The following LRRC28 variants were observed in gnomAD, a reference collection of about 807,000 sequenced individuals.
LRRC28 encodes leucine rich repeat containing 28, also known as leucine-rich repeat-containing protein 28.
In LRRC28, 39 loss-of-function variants were observed where a neutral mutation model predicts 45.7. That is an observed-to-expected ratio of 0.85 (90% CI 0.66 to 1.12). The LOEUF (loss-of-function observed/expected upper bound fraction) is 1.12. Ranked by LOEUF, LRRC28 falls within the 50% of genes most tolerant of loss-of-function variation. The pLI, the probability that LRRC28 is intolerant of heterozygous loss-of-function variation, is 0.00. For missense variants in LRRC28, 435 were observed against 438.5 expected, an observed-to-expected ratio of 0.99 and a Z score of 0.07; for synonymous variants, 206 against 178.8, an observed-to-expected ratio of 1.15 and a Z score of -1.22.
At chr15:99,253,524 A>G (rs2080927560) in intron 1 of LRRC28, among the ~76,000 whole-genome samples, 1 of 152,216 alleles carries the variant, frequency 6.6e-6, no homozygotes, top group East Asian at 1.9e-4. Context: ...AGCTTTGAGG[A>G]TTGGAAAAGC....
intron 6 of LRRC28, chr15:99,338,619 A>G (rs1956405292): frequency 6.6e-6 from 1 of 152,220 alleles, no homozygotes; most frequent in South Asian, 2.1e-4. Flanking sequence ...GGAGGTGGGA[A>G]TCTTACTTTG....
intron 6 of LRRC28, among the ~76,000 whole-genome samples, chr15:99,349,990 G>T (rs933879262): frequency 5.9e-5 from 9 of 151,480 alleles, no homozygotes; most frequent in Non-Finnish European, 2.9e-5. Flanking sequence ...CAAAAAATTA[G>T]CCGGGCGCGG....
intron 6 of LRRC28, among the ~76,000 whole-genome samples, chr15:99,351,751 A>C (rs1290154861): frequency 1.3e-5 from 2 of 152,232 alleles, no homozygotes; most frequent in Non-Finnish European, 2.9e-5. Flanking sequence ...CACTTGTTAA[A>C]GCATAGTAAG....
chr15:99,351,774 T>G (rs1042506029), intron 6 of LRRC28, among the ~76,000 whole-genome samples: 1 of 152,200 alleles, frequency 6.6e-6, no homozygotes, highest in African/African-American at 2.4e-5. Flanking sequence ...AGACTTTATT[T>G]GAGACCATCA....
chr15:99,278,176 T>C (rs1410182125), intron 3 of LRRC28, among the ~76,000 whole-genome samples: 5 of 152,232 alleles, frequency 3.3e-5, no homozygotes, highest in Non-Finnish European at 7.3e-5. Flanking sequence ...TTTAGTCTTA[T>C]TGCATTGGCT....
At chr15:99,353,013 G>C (rs962098172) in intron 7 of LRRC28, among the ~76,000 whole-genome samples, 7 of 152,188 alleles carry the variant, frequency 4.6e-5, no homozygotes, top group African/African-American at 1.7e-4. Context: ...AACCAAAACA[G>C]ATATTTCAGT....
chr15:99,352,699 A>G (rs1956923428), intron 7 of LRRC28, among the ~76,000 whole-genome samples: 1 of 152,174 alleles, frequency 6.6e-6, no homozygotes, highest in South Asian at 2.1e-4. Flanking sequence ...ACAGAAAGAA[A>G]CACCTTTATT....
chr15:99,303,409 G>A (rs561659366), intron 5 of LRRC28, among the ~76,000 whole-genome samples: 83 of 152,188 alleles, frequency 5.5e-4, no homozygotes, highest in African/African-American at 1.8e-3. Context: ...AGCTAAGATC[G>A]TGATGCCCAT....
chr15:99,314,352 C>T (rs1466238886), intron 5 of LRRC28, among the ~76,000 whole-genome samples: 3 of 151,974 alleles, frequency 2.0e-5, no homozygotes, highest in Admixed American at 2.0e-4. Context: ...GTGGGAGGAT[C>T]ACTTAAGCTT....
At chr15:99,274,418 G>A (rs1334169010) in intron 2 of LRRC28, among the ~76,000 whole-genome samples, 1 of 152,058 alleles carries the variant, frequency 6.6e-6, no homozygotes, top group African/African-American at 2.4e-5. Context: ...TTAGTGTTCT[G>A]TTCCTTGCCA....
At chr15:99,275,240 G>C (rs2081586702) in intron 2 of LRRC28, among the ~76,000 whole-genome samples, 1 of 152,234 alleles carries the variant, frequency 6.6e-6, no homozygotes, top group Non-Finnish European at 1.5e-5. Flanking sequence ...CTTTCAACCT[G>C]TGAGTAGACT....
rs567219770 is a variant in LRRC28, at chr15:99,286,371, A to G, written c.210-886A>G. 1.7e-3 allele frequency among the ~76,000 whole-genome samples: 255 copies of G among 152,272 alleles called. No individual in the cohort carries two copies. In the South Asian group the frequency reaches 0.025, roughly 15 times the overall value. ...GGTCGCGAACTCCTGAGGTCAGGCAATCCGCCCTCCTTGCCTCCCAAAGTG... is the reference window on the plus strand; with the variant it reads ...GGTCGCGAACTCCTGAGGTCAGGCAGTCCGCCCTCCTTGCCTCCCAAAGTG... On this transcript the variant is annotated intron_variant, in intron 3 of 9. Coordinates refer to ENST00000301981, the MANE Select transcript of LRRC28 (RefSeq NM_144598.5).
intron 5 of LRRC28, among the ~76,000 whole-genome samples, chr15:99,305,135 A>G (rs12908049): frequency 0.097 from 14,685 of 152,168 alleles, 995 homozygotes; most frequent in East Asian, 0.33. Flanking sequence ...TGTGCTCTAG[A>G]GATCATATAA....
chr15:99,281,446 C>T (rs2081788687), intron 3 of LRRC28, among the ~76,000 whole-genome samples: 1 of 150,986 alleles, frequency 6.6e-6, no homozygotes, highest in Admixed American at 6.6e-5. Context: ...TTTGGAAGTT[C>T]TGTTTATTTT....
intron 5 of LRRC28, among the ~76,000 whole-genome samples, chr15:99,327,863 C>T (rs1956035329): frequency 6.6e-6 from 1 of 152,058 alleles, no homozygotes; most frequent in South Asian, 2.1e-4. Context: ...TTAAATCTCC[C>T]ACTAATCATT....
chr15:99,263,678 A>G (rs2081260390), intron 2 of LRRC28, among the ~76,000 whole-genome samples: 1 of 152,216 alleles, frequency 6.6e-6, no homozygotes. Context: ...ACGTAATTTC[A>G]TTCTATGTAG....
chr15:99,360,685 C>T (rs1352431856), intron 7 of LRRC28, among the ~76,000 whole-genome samples: 2 of 152,112 alleles, frequency 1.3e-5, no homozygotes, highest in African/African-American at 2.4e-5. Context: ...TCTTAGGTTA[C>T]CCAATGGTTT....
intron 6 of LRRC28, among the ~76,000 whole-genome samples, chr15:99,341,350 C>T (rs571294522): frequency 6.6e-6 from 1 of 152,228 alleles, no homozygotes; most frequent in South Asian, 2.1e-4. Flanking sequence ...GCTCAGCCTC[C>T]CAAAGTGCTG....
intron 2 of LRRC28, among the ~76,000 whole-genome samples, chr15:99,271,301 G>A (rs1261187125): frequency 1.4e-5 from 2 of 143,410 alleles, no homozygotes; most frequent in African/African-American, 5.1e-5. Context: ...TTTTTTTTGA[G>A]ATGAGTCTCA....
Sources: allele counts gnomAD v4.1 joint callset (sites outside exome capture counted in the v4.1 genomes callset), GRCh38; gene constraint gnomAD v4.1.1; transcripts MANE v1.5; gene names NCBI Gene and HGNC (gene_info 2026-07-23, HGNC 2026-07-21).